The following AMZ1 variants were observed in gnomAD, a reference collection of about 807,000 sequenced individuals.
The protein encoded by AMZ1 is archaelysin family metallopeptidase 1.
AMZ1 carries 39 observed loss-of-function variants against 29.9 expected under a neutral mutation model. The ratio of observed to expected loss-of-function variants is 1.30; its 90% CI spans 1.01 to 1.70. AMZ1 has a LOEUF of 1.70. Ranked by LOEUF, AMZ1 falls within the 40% of genes most tolerant of loss-of-function variation. The pLI is 0.00. For missense variants in AMZ1, 1,041 were observed against 680.6 expected, an observed-to-expected ratio of 1.53 and a Z score of -5.89; for synonymous variants, 458 against 304.0, an observed-to-expected ratio of 1.51 and a Z score of -5.27.
At chr7:2,761,304 A>C (rs917158773), upstream of AMZ1, among the ~76,000 whole-genome samples, 3 of 152,190 alleles carry the variant, frequency 2.0e-5, no homozygotes, top group Admixed American at 2.0e-4. Context: ...CCACCACCCC[A>C]TGCTCACAGA....
At chr7:2,742,560 C>T (rs1159198197) in intron 4 of AMZ1, among the ~76,000 whole-genome samples, 1 of 152,196 alleles carries the variant, frequency 6.6e-6, no homozygotes, top group Non-Finnish European at 1.5e-5. Flanking sequence ...TCCTCGCTTA[C>T]TTTGGTGCTC....
At chr7:2,688,504 G>C (rs1680966787) in intron 1 of AMZ1, among the ~76,000 whole-genome samples, 1 of 152,146 alleles carries the variant, frequency 6.6e-6, no homozygotes, top group African/African-American at 2.4e-5. Context: ...CCGCGCCGGG[G>C]TCCGCACAGC....
intron 1 of AMZ1, among the ~76,000 whole-genome samples, chr7:2,692,322 T>C (rs1018397666): frequency 2.6e-5 from 4 of 151,804 alleles, no homozygotes; most frequent in Non-Finnish European, 4.4e-5. Flanking sequence ...GGGCGGATCA[T>C]GAGGTCAGGA....
At chr7:2,692,336 C>A (rs1021590262) in intron 1 of AMZ1, among the ~76,000 whole-genome samples, 2 of 151,822 alleles carry the variant, frequency 1.3e-5, no homozygotes, top group African/African-American at 2.4e-5. Flanking sequence ...GTCAGGAGAT[C>A]GAGACCATCC....
At chr7:2,722,149 G>GA (rs1789450982), downstream of AMZ1, among the ~76,000 whole-genome samples, 1 of 152,228 alleles carries the variant, frequency 6.6e-6, no homozygotes, top group Non-Finnish European at 1.5e-5. Flanking sequence ...CTGAGCACAG[G>GA]AAAGGGAGTT....
At chr7:2,685,745 T>A (rs1256221560), upstream of AMZ1, among the ~76,000 whole-genome samples, 5 of 149,528 alleles carry the variant, frequency 3.3e-5, no homozygotes, top group Non-Finnish European at 7.4e-5. Flanking sequence ...CCCAGCTACT[T>A]AGGAGGCTGA....
At chr7:2,691,633 C>T (rs1009884005) in intron 1 of AMZ1, among the ~76,000 whole-genome samples, 16 of 143,460 alleles carry the variant, frequency 1.1e-4, no homozygotes, top group South Asian at 4.4e-4. Flanking sequence ...CCCAGCTGTT[C>T]GGGAGGCTCA....
At chr7:2,703,488 C>G (rs1788180649) in intron 3 of AMZ1, among the ~76,000 whole-genome samples, 1 of 143,668 alleles carries the variant, frequency 7.0e-6, no homozygotes, top group South Asian at 2.1e-4. Flanking sequence ...AACCTTCCGT[C>G]TTTGCATAGT....
At chr7:2,734,305 T>C (rs1790049181) in intron 4 of AMZ1, among the ~76,000 whole-genome samples, 1 of 152,128 alleles carries the variant, frequency 6.6e-6, no homozygotes, top group Non-Finnish European at 1.5e-5. Flanking sequence ...CCTTCAAAGG[T>C]AGCGTATTAA....
At chr7:2,763,191 A>AC (rs1791652924), upstream of AMZ1, 7 of 222,642 alleles carry the variant, frequency 3.1e-5, no homozygotes, top group East Asian at 1.5e-4. Context: ...AAGACACCCC[A>AC]ACACACACAC....
chr7:2,718,068 A>T lies in AMZ1; in HGVS notation c.*5190A>T, dbSNP rs1206865271. ...CGTCCAACCTCCTGCCCTCTCTGAG[A>T]GGGGCCCGAGCTCTCGCAAGATTAA... On this transcript the variant is annotated 3_prime_UTR_variant, in exon 7 of 7. Coordinates refer to ENST00000683327, the MANE Select transcript of AMZ1 (RefSeq NM_001384743.1). Among the ~76,000 whole-genome samples the T allele has an allele frequency of 6.6e-6, 1 of 152,092 alleles. No homozygotes were observed. Among genetic ancestry groups the T allele is most frequent in the East Asian group, 1.9e-4 (1 of 5,176 alleles).
At chr7:2,706,891 A>G (rs1788385428) in intron 3 of AMZ1, among the ~76,000 whole-genome samples, 1 of 141,920 alleles carries the variant, frequency 7.0e-6, no homozygotes, top group Admixed American at 6.7e-5. Flanking sequence ...AGGCCGAGGC[A>G]GGAAGATTGC....
At chr7:2,745,204 A>G (rs968761943) in intron 4 of AMZ1, among the ~76,000 whole-genome samples, 5 of 152,246 alleles carry the variant, frequency 3.3e-5, no homozygotes, top group Non-Finnish European at 7.3e-5. Context: ...GGCAACTCCA[A>G]GACACATAAT....
intron 1 of AMZ1, among the ~76,000 whole-genome samples, chr7:2,693,045 A>G (rs995884216): frequency 3.3e-5 from 5 of 152,158 alleles, no homozygotes; most frequent in Non-Finnish European, 7.4e-5. Context: ...CCTCTCAGGA[A>G]TGGGAGTGTG....
intron 4 of AMZ1, among the ~76,000 whole-genome samples, chr7:2,744,019 G>A (rs948096653): frequency 1.3e-4 from 20 of 152,214 alleles, no homozygotes; most frequent in African/African-American, 4.1e-4. Context: ...CAAAGCAGCC[G>A]GGAAGCTCAA....
upstream of AMZ1, among the ~76,000 whole-genome samples, chr7:2,685,163 C>A (rs60309995): frequency 6.6e-6 from 1 of 151,848 alleles, no homozygotes; most frequent in Non-Finnish European, 1.5e-5. Context: ...CCGCCGCGCC[C>A]GGCCTCGATG....
At chr7:2,686,203 G>A (rs1024648992), upstream of AMZ1, among the ~76,000 whole-genome samples, 4 of 152,176 alleles carry the variant, frequency 2.6e-5, no homozygotes, top group Non-Finnish European at 5.9e-5. Context: ...GTCACGGGCC[G>A]CCTGCAGAAC....
rs757481473 is a variant in AMZ1 at position 2,712,583 on chromosome 7, C to T, written c.1202C>T (p.Ala401Val). 206 of 1,611,742 alleles carry T rather than the reference C, an allele frequency of 1.3e-4. No homozygotes were observed. The highest frequency in any genetic ancestry group is 1.6e-4 in the Middle Eastern group (1 of 6,074). Residue 401 changes from alanine to valine, a missense_variant, in exon 7 of 7, where the codon GCG (alanine) becomes GTG (valine). Ala to Val is a moderately conservative substitution (Grantham distance 64). Transcript: ENST00000683327. ...SEAPLPPGGP[A>V]EAIKEHERWL... ...GCTCCGCTGCCACCTGGGGGCCCTG[C>T]GGAGGCCATCAAGGAGCATGAACGG...
rs1789918362 is a variant in AMZ1, at chr7:2,731,920, CAG to C, written n.550+22106_550+22107del. Among the ~76,000 whole-genome samples, 1 of 152,168 alleles carries C rather than the reference CAG, an allele frequency of 6.6e-6. No homozygotes were observed. The highest frequency in any genetic ancestry group is 1.5e-5 in the Non-Finnish European group (1 of 68,032). ...ATAACATTATCAACTGGCCGTGAAA[CAG>C]AAAGAATCAAATACTTCATTTCAAA... On this transcript the variant is annotated intron_variant and non_coding_transcript_variant, in intron 4 of 4. Coordinates refer to the AMZ1 transcript ENST00000489665. The surrounding 1 kb of genome is among the most constrained non-coding windows in gnomAD (Gnocchi z 6.0).
Sources: gnomAD v4.1 joint callset for allele counts (sites outside exome capture counted in the v4.1 genomes callset) on GRCh38, gnomAD v4.1.1 for gene constraint, Gnocchi (gnomAD v3.1) non-coding constraint, MANE v1.5 for transcripts, NCBI Gene and HGNC (gene_info 2026-07-23, HGNC 2026-07-21) for gene names.